The following LSM12 variants were observed in gnomAD, a reference collection of about 807,000 sequenced individuals.
LSM12 encodes LSM12 homolog.
For synonymous variants in LSM12, 74 were observed against 87.3 expected, an observed-to-expected ratio of 0.85 and a Z score of 0.85; for missense variants, 108 against 238.9, an observed-to-expected ratio of 0.45 and a Z score of 3.61.
chr17:44,065,027 G>A (rs1304129102), intron 1 of LSM12, among the ~76,000 whole-genome samples: 3 of 152,124 alleles, frequency 2.0e-5, no homozygotes, highest in Non-Finnish European at 4.4e-5. Flanking sequence ...CAGCTACTCG[G>A]GAGGCTGAGG....
At chr17:44,049,611 T>C (rs1032072586) in intron 2 of LSM12, among the ~76,000 whole-genome samples, 4 of 152,100 alleles carry the variant, frequency 2.6e-5, no homozygotes, top group African/African-American at 9.7e-5. Flanking sequence ...AGGACACATA[T>C]CTTGTCTGCA....
chr17:44,058,785 T>A (rs1330682660), intron 2 of LSM12, among the ~76,000 whole-genome samples: 1 of 151,970 alleles, frequency 6.6e-6, no homozygotes, highest in Non-Finnish European at 1.5e-5. Flanking sequence ...TGAGCCGAGA[T>A]CACGGCACCA....
chr17:44,059,280 A>G (rs1217795756), intron 2 of LSM12, among the ~76,000 whole-genome samples: 1 of 152,146 alleles, frequency 6.6e-6, no homozygotes, highest in African/African-American at 2.4e-5. Context: ...TGGGCTAAAC[A>G]CAAAGTAATA....
chr17:44,062,647 G>A (rs1255375422), intron 2 of LSM12, among the ~76,000 whole-genome samples: 1 of 152,072 alleles, frequency 6.6e-6, no homozygotes, highest in African/African-American at 2.4e-5. Flanking sequence ...AGCACTTTGG[G>A]AGGCTGAGGC....
chr17:44,043,806 TAA>T (rs768294471), intron 2 of LSM12, among the ~76,000 whole-genome samples: 35 of 135,534 alleles, frequency 2.6e-4, no homozygotes, highest in African/African-American at 2.7e-4. Flanking sequence ...CTGCCTCTAT[TAA>T]AAAAAAAAAA....
At chr17:44,056,016 C>A (rs971167311) in intron 2 of LSM12, among the ~76,000 whole-genome samples, 1 of 151,614 alleles carries the variant, frequency 6.6e-6, no homozygotes, top group Admixed American at 6.6e-5. Context: ...GCCTGTAATC[C>A]CAGCACTTTG....
intron 2 of LSM12, among the ~76,000 whole-genome samples, chr17:44,062,417 A>T: frequency 6.6e-6 from 1 of 152,176 alleles, no homozygotes; most frequent in Non-Finnish European, 1.5e-5. Context: ...AGCCTGGGTG[A>T]TCAGAGAAGA....
At chr17:44,064,652 G>T (rs999928513) in intron 1 of LSM12, among the ~76,000 whole-genome samples, 4 of 150,834 alleles carry the variant, frequency 2.7e-5, no homozygotes, top group African/African-American at 9.8e-5. Context: ...AGAATCACTT[G>T]AACACGGGAG....
chr17:44,039,298 G>A (rs563127055), intron 3 of LSM12, among the ~76,000 whole-genome samples: 1 of 148,192 alleles, frequency 6.7e-6, no homozygotes, highest in East Asian at 2.0e-4. Flanking sequence ...CAGGTGAACC[G>A]CCCACCTCGG....
In LSM12 at chr17:44,040,176, G is replaced by A. The variant is rs180785369; in HGVS notation, c.339C>T (p.Gly113=). ...TGTGAATGGTCTGGAAGAGCTGCTG[G>A]CCCTCTAGAGAGACACCAGCACTGA... The part of the protein sequence containing the change: ...YAISAGVSLE[G]QQLFQTIHKT... The change falls in exon 3 of 5, where the codon GGC becomes GGT. Residue 113 remains glycine (G), a synonymous_variant. Transcript: ENST00000293406. 3 of 1,613,778 alleles carry A rather than the reference G, an allele frequency of 1.9e-6. No homozygotes were observed. Among genetic ancestry groups the A allele is most frequent in the Non-Finnish European group, 1.7e-6 (2 of 1,179,690 alleles).
At chr17:44,043,536 A>T (rs146616438) in intron 2 of LSM12, among the ~76,000 whole-genome samples, 1 of 148,158 alleles carries the variant, frequency 6.7e-6, no homozygotes, top group East Asian at 2.1e-4. Context: ...CCCGGTAACA[A>T]GGAGGAGTTT....
intron 2 of LSM12, chr17:44,040,467 A>C (rs575519795): frequency 2.0e-4 from 97 of 480,376 alleles, no homozygotes; most frequent in African/African-American, 1.8e-3. Flanking sequence ...CTTCCTTCTA[A>C]TACTTACTGC....
At chr17:44,041,020 T>C (rs533792955) in intron 2 of LSM12, among the ~76,000 whole-genome samples, 10 of 148,090 alleles carry the variant, frequency 6.8e-5, no homozygotes, top group Admixed American at 5.4e-4. Flanking sequence ...TACATACACA[T>C]ACACACACAC....
intron 2 of LSM12, among the ~76,000 whole-genome samples, chr17:44,061,459 T>G (rs1004114545): frequency 1.3e-5 from 2 of 152,134 alleles, no homozygotes; most frequent in African/African-American, 2.4e-5. Context: ...CCTATAAGCT[T>G]CAAAGAATGG....
chr17:44,055,178 G>T (rs1487403748), intron 2 of LSM12, among the ~76,000 whole-genome samples: 1 of 151,962 alleles, frequency 6.6e-6, no homozygotes, highest in African/African-American at 2.4e-5. Context: ...AGTTAATCAT[G>T]AGGTTACAGC....
chr17:44,066,871 A>G (rs1312985529), upstream of LSM12: 6 of 259,246 alleles, frequency 2.3e-5, no homozygotes, highest in Non-Finnish European at 4.3e-5. Flanking sequence ...AAAAGGGGAA[A>G]GAGGAGGGAG....
In LSM12 at chr17:44,042,983, G is replaced by A. The variant is rs1299195840; in HGVS notation, c.259-2727C>T. Among the ~76,000 whole-genome samples, 12 of 152,132 alleles carry A rather than the reference G, an allele frequency of 7.9e-5. No homozygotes were observed. The East Asian group carries it at 9.6e-4, about 12-fold the overall frequency. On this transcript the variant is annotated intron_variant, in intron 2 of 4. Transcript: ENST00000293406. ...CTCCCAAAGTGCTGGTATTACAGGC[G>A]TGAGCCACCACGCCTGGCTCCAAGC...
Position 44,034,433 on chromosome 17 carries a change from C to T in LSM12, c.*1775G>A, listed in dbSNP as rs932502428. Among the ~76,000 whole-genome samples, 9 of 152,154 alleles carry T rather than the reference C, an allele frequency of 5.9e-5. No individual in the cohort carries two copies. The highest frequency in any genetic ancestry group is 1.3e-4 in the Non-Finnish European group (9 of 68,038). ...ATGTGACTACAGCCTTTTCCCCACA[C>T]TCCACCTACACACCACTCCAAACCC... On this transcript the variant is annotated 3_prime_UTR_variant, in exon 5 of 5. Coordinates refer to ENST00000293406, the MANE Select transcript of LSM12 (RefSeq NM_001371445.1).
upstream of LSM12, chr17:44,067,304 CAA>C (rs1281346185): frequency 1.3e-5 from 2 of 151,956 alleles, no homozygotes; most frequent in East Asian, 3.9e-4. Context: ...TGTCTCAAAA[CAA>C]ACAAACAAAC....
Sources: gnomAD v4.1 joint callset for allele counts (sites outside exome capture counted in the v4.1 genomes callset) on GRCh38, gnomAD v4.1.1 for gene constraint, MANE v1.5 for transcripts, NCBI Gene and HGNC (gene_info 2026-07-23, HGNC 2026-07-21) for gene names.